The following MYBPC1 variants were observed in gnomAD, a reference collection of about 807,000 sequenced individuals.
MYBPC1 encodes myosin-binding protein C, slow-type.
MYBPC1 carries 52 observed loss-of-function variants against 147.1 expected under a neutral mutation model. The observed-to-expected ratio is 0.35, with a 90% CI of 0.28 to 0.45. The LOEUF is 0.45. Ranked by LOEUF, MYBPC1 falls within the 20% of genes least tolerant of loss-of-function variation. The probability of loss-of-function intolerance (pLI) is 1.00; values close to 1 mark genes in which losing one functional copy is unlikely to be tolerated. For synonymous variants in MYBPC1, 477 were observed against 475.9 expected (o/e 1.00, Z -0.03); for missense variants, 1,228 against 1,440.3 (o/e 0.85, Z 2.39).
chr12:101,661,605 T>A (rs1896558478), intron 20 of MYBPC1, among the ~76,000 whole-genome samples: 1 of 152,154 alleles, frequency 6.6e-6, no homozygotes, highest in Non-Finnish European at 1.5e-5. Flanking sequence ...ATTAAATAAT[T>A]AGGCTGAGCA....
At chr12:101,608,589 C>A (rs1883126624) in intron 1 of MYBPC1, among the ~76,000 whole-genome samples, 1 of 152,180 alleles carries the variant, frequency 6.6e-6, no homozygotes, top group Non-Finnish European at 1.5e-5. Context: ...TGCCTCCCGA[C>A]CATTGCAACA....
At chr12:101,674,920 C>T (rs956302964) in intron 25 of MYBPC1, among the ~76,000 whole-genome samples, 10 of 137,238 alleles carry the variant, frequency 7.3e-5, no homozygotes, top group South Asian at 2.3e-4. Flanking sequence ...GCTAGAAAAA[C>T]GTTGTTTCCA....
chr12:101,677,391 G>A lies in MYBPC1; in HGVS notation c.3106G>A (p.Asp1036Asn), dbSNP rs1375319461. Reference protein sequence around the residue: ...MTKESAVIARDGKIYKNPVYE... With the variant: ...MTKESAVIARNGKIYKNPVYE... ...TAAAGAGAGTGCAGTGATCGCCAGG[G>A]ATGGTGAGTTGGGAATGGACTGACA... Residue 1036 changes from aspartate to asparagine, a missense_variant, in exon 27 of 32, where the codon GAT becomes AAT. By Grantham distance (23) the Asp-to-Asn change is conservative. Around this residue, in one of 2 missense-constraint regions of MYBPC1, gnomAD observed 1,077 missense variants for 1,314.2 expected, o/e 0.82. Transcript: ENST00000361466. 4 of 1,613,964 alleles carry A rather than the reference G, an allele frequency of 2.5e-6. No homozygotes were observed. Among genetic ancestry groups the A allele is most frequent in the Non-Finnish European group, 3.4e-6 (4 of 1,179,956 alleles).
At chr12:101,650,852 T>C in intron 15 of MYBPC1, 1 of 320,756 alleles carries the variant, frequency 3.1e-6, no homozygotes, top group Non-Finnish European at 6.1e-6. Context: ...TTGTGAACTG[T>C]TGTGAAGCAG....
At chr12:101,613,795 C>T in intron 1 of MYBPC1, among the ~76,000 whole-genome samples, 1 of 151,590 alleles carries the variant, frequency 6.6e-6, no homozygotes, top group African/African-American at 2.4e-5. Context: ...GGAATCTACT[C>T]CAAGCACGTA....
At chr12:101,626,773 T>C in intron 3 of MYBPC1, 99 bp from the exon 4 acceptor site, 1 of 1,017,242 alleles carries the variant, frequency 9.8e-7, no homozygotes, top group Non-Finnish European at 1.6e-6. Context: ...GAAAGTGTAT[T>C]GTGTGGTTTC....
the MYBPC1 span, among the ~76,000 whole-genome samples, chr12:101,691,271 C>T: frequency 2.2e-3 from 332 of 152,208 alleles, 4 homozygotes; most frequent in East Asian, 0.017. Flanking sequence ...TGGGCTTCAC[C>T]GTTTTGGCCA....
Position 101,629,455 on chromosome 12 carries a change from C to T in MYBPC1, c.200C>T (p.Pro67Leu), listed in dbSNP as rs1421812200. The T allele has an allele frequency of 9.3e-6, 15 of 1,613,534 alleles. No homozygotes were observed. Among genetic ancestry groups the T allele is most frequent in the African/African-American group, 1.3e-5 (1 of 74,876 alleles). The change falls in exon 6 of 32, where the codon CCT becomes CTT. Residue 67 changes from proline (P) to leucine (L), a missense_variant. By Grantham distance (98) the Pro-to-Leu change is moderately conservative. Around this residue, in one of 2 missense-constraint regions of MYBPC1, gnomAD observed 151 missense variants for 126.1 expected, o/e 1.20. Transcript: ENST00000361466. ...TCAGACTGGACCCTTGTCGAAACTC[C>T]TCCTGGGGAGGAACAAGCCAAGCAG... ...KDSDWTLVETPPGEEQAKQNA... is the reference protein window; with the variant it reads ...KDSDWTLVETLPGEEQAKQNA...
intron 1 of MYBPC1, among the ~76,000 whole-genome samples, chr12:101,609,709 T>C (rs1007633453): frequency 2.0e-5 from 3 of 152,188 alleles, no homozygotes; most frequent in African/African-American, 7.2e-5. Context: ...GTTTTAAGAG[T>C]GCAGAGTGAG....
chr12:101,675,499 C>T, intron 26 of MYBPC1, 68 bp downstream of exon 26: 1 of 1,603,044 alleles, frequency 6.2e-7, no homozygotes, highest in South Asian at 1.1e-5. Flanking sequence ...AAGGAGATGG[C>T]ACAAGGGCCT....
chr12:101,634,657 G>A lies in MYBPC1; in HGVS notation c.608+52G>A, dbSNP rs545202429. 7 of 1,423,694 alleles carry A rather than the reference G, an allele frequency of 4.9e-6. No homozygotes were observed. The South Asian group carries it at 8.0e-5, about 16-fold the overall frequency. 88.2% of individuals were successfully genotyped at this position (1,423,694 alleles called of 1,614,324 possible). On this transcript the variant is annotated intron_variant, in intron 9 of 31. Coordinates refer to ENST00000361466, the MANE Select transcript of MYBPC1 (RefSeq NM_002465.4). ...GCTTTTGTATAACACAGAAGTGGAG[G>A]ATTTTCAAACACATTTCCTTTCCCC...
chr12:101,617,602 A>T (rs927358572), intron 3 of MYBPC1, among the ~76,000 whole-genome samples: 9 of 149,474 alleles, frequency 6.0e-5, no homozygotes, highest in African/African-American at 1.2e-4. Context: ...GTTTTTTTTT[A>T]AATTAAATGT....
chr12:101,673,647 A>C, intron 25 of MYBPC1, 25 bp downstream of exon 25: 3 of 1,613,112 alleles, frequency 1.9e-6, no homozygotes, highest in Non-Finnish European at 2.5e-6. Flanking sequence ...AGGAGCCAGA[A>C]AGTTCTGTCA....
chr12:101,605,802 T>C (rs1233696807), intron 1 of MYBPC1, among the ~76,000 whole-genome samples: 1 of 151,894 alleles, frequency 6.6e-6, no homozygotes, highest in Non-Finnish European at 1.5e-5. Context: ...GCAGAGGTTG[T>C]ACTGAGCCGA....
rs184252980 is a variant in MYBPC1, at chr12:101,682,586, A to G, written c.3434-18A>G. ...CTGAGAATAAATAAATACTGGTACA[A>G]ATATTCTGATTCTGCAGTGATATAT... On this transcript the variant is annotated intron_variant, in intron 29 of 31. Transcript: ENST00000361466. 8.2e-5 allele frequency: 131 copies of G among 1,606,466 alleles called. 3 individuals carry two copies. In the African/African-American group the frequency reaches 1.3e-3, roughly 16 times the overall value.
intron 11 of MYBPC1, 42 bp from the exon 12 acceptor site, chr12:101,644,622 T>C (rs1305112461): frequency 6.5e-7 from 1 of 1,542,620 alleles, no homozygotes; most frequent in South Asian, 1.1e-5. Context: ...ATAGCATATG[T>C]ATACATATAT....
intron 8 of MYBPC1, among the ~76,000 whole-genome samples, chr12:101,634,127 C>A (rs914528501): frequency 1.3e-5 from 2 of 152,098 alleles, no homozygotes; most frequent in Non-Finnish European, 2.9e-5. Context: ...GTCGCGATCT[C>A]CTGATCTCGT....
chr12:101,653,022 T>G (rs1033095012), intron 17 of MYBPC1, 93 bp from the exon 18 acceptor site: 2 of 1,481,052 alleles, frequency 1.4e-6, no homozygotes, highest in African/African-American at 2.8e-5. Context: ...TTAGATAAAA[T>G]ATTGGTTACT....
At chr12:101,659,998 T>A in intron 19 of MYBPC1, 167 bp downstream of exon 19, 1 of 895,214 alleles carries the variant, frequency 1.1e-6, no homozygotes, top group Non-Finnish European at 1.7e-6. Flanking sequence ...AGAGCTAAGG[T>A]CAGCCATTTG....
Sources: allele counts gnomAD v4.1 joint callset (sites outside exome capture counted in the v4.1 genomes callset), GRCh38; gene constraint gnomAD v4.1.1; regional missense constraint gnomAD v4.1.1; transcripts MANE v1.5; gene names NCBI Gene and HGNC (gene_info 2026-07-23, HGNC 2026-07-21).